The following CNTLN variants were observed in gnomAD, a reference collection of about 807,000 sequenced individuals.
CNTLN encodes the protein centlein, centrosomal protein.
A neutral mutation model predicts 180.0 loss-of-function variants in CNTLN; 212 were observed. That is an observed-to-expected ratio of 1.18 (90% CI 1.05 to 1.32). The LOEUF (loss-of-function observed/expected upper bound fraction) is 1.32, where lower values mean the gene tolerates loss of function less well. CNTLN is among the 40% of genes most tolerant of loss of function. CNTLN has a pLI of 0.00. For missense variants in CNTLN, 2,095 were observed against 1,610.9 expected (o/e 1.30, Z -5.14); for synonymous variants, 722 against 563.1 (o/e 1.28, Z -3.99).
intron 12 of CNTLN, among the ~76,000 whole-genome samples, chr9:17,352,416 ATTTT>A (rs869286111): frequency 1.9e-3 from 58 of 31,290 alleles, no homozygotes; most frequent in African/African-American, 5.6e-3. Flanking sequence ...ATATATATAT[ATTTT>A]TTTTTTTTTT....
downstream of CNTLN, among the ~76,000 whole-genome samples, chr9:17,504,313 C>A (rs767820614): frequency 1.3e-5 from 2 of 152,110 alleles, no homozygotes; most frequent in Non-Finnish European, 2.9e-5. Context: ...ATATTCCCAA[C>A]TCACAGGAAA....
At chr9:17,197,688 C>G (rs1822224630) in intron 2 of CNTLN, among the ~76,000 whole-genome samples, 1 of 152,118 alleles carries the variant, frequency 6.6e-6, no homozygotes, top group South Asian at 2.1e-4. Flanking sequence ...TGTGGCGTGT[C>G]TGCTCACTTT....
intron 6 of CNTLN, among the ~76,000 whole-genome samples, chr9:17,295,606 G>C (rs879354907): frequency 2.6e-5 from 4 of 152,106 alleles, no homozygotes; most frequent in Non-Finnish European, 4.4e-5. Context: ...GGGGGCCTCC[G>C]ACCACAGCTG....
At chr9:17,339,892 G>C (rs760161747) in intron 10 of CNTLN, among the ~76,000 whole-genome samples, 17 of 152,124 alleles carry the variant, frequency 1.1e-4, no homozygotes, top group Non-Finnish European at 2.5e-4. Context: ...GGTGGCTTAT[G>C]CCTGTAATTC....
At chr9:17,167,987 A>C (rs968963220) in intron 2 of CNTLN, 11 of 152,288 alleles carry the variant, frequency 7.2e-5, no homozygotes, top group South Asian at 6.2e-4. Context: ...GGCAGTATAA[A>C]GCAGTCTGAC....
intron 23 of CNTLN, among the ~76,000 whole-genome samples, chr9:17,479,242 C>T (rs1025744962): frequency 2.6e-5 from 4 of 152,090 alleles, no homozygotes; most frequent in African/African-American, 9.7e-5. Flanking sequence ...TGTTAGGACT[C>T]CTGTGTTCAT....
chr9:17,456,047 A>G (rs1436850989), intron 18 of CNTLN, among the ~76,000 whole-genome samples: 1 of 152,048 alleles, frequency 6.6e-6, no homozygotes, highest in East Asian at 1.9e-4. Context: ...GGGTTGTTGT[A>G]ATAATCTTAA....
intron 18 of CNTLN, among the ~76,000 whole-genome samples, chr9:17,417,374 T>C (rs1445340160): frequency 6.6e-6 from 1 of 152,146 alleles, no homozygotes; most frequent in Non-Finnish European, 1.5e-5. Context: ...GTTTTATATC[T>C]CACCGTGATA....
chr9:17,472,736 A>G (rs1252523441), intron 23 of CNTLN, among the ~76,000 whole-genome samples: 3 of 152,192 alleles, frequency 2.0e-5, no homozygotes, highest in Non-Finnish European at 4.4e-5. Context: ...TCAAATGCCA[A>G]AAATGTTCCC....
intron 13 of CNTLN, 81 bp from the exon 14 acceptor site, chr9:17,388,081 T>C (rs532600786): frequency 2.3e-6 from 2 of 859,036 alleles, no homozygotes; most frequent in Admixed American, 2.5e-5. Context: ...TGAAAAACCA[T>C]AGAACCCTTT....
intron 7 of CNTLN, among the ~76,000 whole-genome samples, chr9:17,302,546 T>C (rs1818443226): frequency 6.6e-6 from 1 of 152,188 alleles, no homozygotes; most frequent in Non-Finnish European, 1.5e-5. Flanking sequence ...TTTAAAATTA[T>C]GCCATAATAA....
intron 5 of CNTLN, among the ~76,000 whole-genome samples, chr9:17,245,071 A>G (rs1409647251): frequency 1.3e-5 from 2 of 152,302 alleles, no homozygotes; most frequent in Non-Finnish European, 2.9e-5. Flanking sequence ...AGATACGAGT[A>G]GTTTACACTA....
intron 15 of CNTLN, among the ~76,000 whole-genome samples, chr9:17,399,218 A>G (rs990130291): frequency 5.9e-5 from 9 of 152,218 alleles, no homozygotes; most frequent in Non-Finnish European, 1.2e-4. Context: ...CATGTATTAT[A>G]TGTGTGATAC....
intron 7 of CNTLN, among the ~76,000 whole-genome samples, chr9:17,302,861 A>G (rs1419454604): frequency 1.3e-5 from 2 of 152,228 alleles, no homozygotes; most frequent in African/African-American, 2.4e-5. Context: ...AGAATGTAAA[A>G]TTGTACTATA....
chr9:17,205,435 C>T (rs948189825), intron 2 of CNTLN, among the ~76,000 whole-genome samples: 2 of 152,168 alleles, frequency 1.3e-5, no homozygotes, highest in African/African-American at 4.8e-5. Flanking sequence ...GAAGATTCAC[C>T]ACCAGACTGG....
At chr9:17,260,856 T>A (rs1826913935) in intron 5 of CNTLN, among the ~76,000 whole-genome samples, 1 of 151,402 alleles carries the variant, frequency 6.6e-6, no homozygotes, top group Admixed American at 6.6e-5. Context: ...TTGAGTATGG[T>A]GTAAGGAAGG....
intron 13 of CNTLN, among the ~76,000 whole-genome samples, chr9:17,386,259 T>C (rs1825675599): frequency 6.6e-6 from 1 of 151,674 alleles, no homozygotes; most frequent in African/African-American, 2.4e-5. Flanking sequence ...AGAAAAAATA[T>C]AGAAAATAGA....
intron 23 of CNTLN, among the ~76,000 whole-genome samples, chr9:17,482,566 A>T (rs972859265): frequency 6.6e-6 from 1 of 152,128 alleles, no homozygotes; most frequent in East Asian, 1.9e-4. Context: ...CCACAGTAAG[A>T]TATTTTTAAG....
intron 1 of CNTLN, 78 bp from the exon 2 acceptor site, chr9:17,143,208 TCA>T: frequency 3.0e-6 from 3 of 987,666 alleles, no homozygotes; most frequent in Admixed American, 2.2e-5. Flanking sequence ...AATTGTTTTT[TCA>T]TTTTAAAATT....
Sources: allele counts gnomAD v4.1 joint callset (sites outside exome capture counted in the v4.1 genomes callset), GRCh38; gene constraint gnomAD v4.1.1; transcripts MANE v1.5; gene names NCBI Gene and HGNC (gene_info 2026-07-23, HGNC 2026-07-21).